ANKFN1: variants seen among roughly 807,000 people sequenced by gnomAD.
ANKFN1 encodes ankyrin repeat and fibronectin type-III domain-containing protein 1.
Under a neutral mutation model 108.7 loss-of-function variants are expected in ANKFN1, and 74 were observed. That is an observed-to-expected ratio of 0.68 (90% CI 0.56 to 0.83). ANKFN1 has a LOEUF of 0.83. ANKFN1 is among the 40% of genes least tolerant of loss of function. The pLI is 0.00. For missense variants in ANKFN1, 1,505 were observed against 1,382.3 expected, an observed-to-expected ratio of 1.09 and a Z score of -1.41; for synonymous variants, 547 against 516.2, an observed-to-expected ratio of 1.06 and a Z score of -0.81.
intron 2 of ANKFN1, among the ~76,000 whole-genome samples, chr17:56,225,810 A>G (rs1916225180): frequency 6.6e-6 from 1 of 152,236 alleles, no homozygotes; most frequent in Non-Finnish European, 1.5e-5. Flanking sequence ...GTAACATTGA[A>G]TTGAATAGAT....
chr17:56,327,743 T>C (rs2045560652), intron 4 of ANKFN1, among the ~76,000 whole-genome samples: 1 of 152,232 alleles, frequency 6.6e-6, no homozygotes, highest in Non-Finnish European at 1.5e-5. Flanking sequence ...CCTCTGTGGA[T>C]CTCTGTTCTG....
intron 3 of ANKFN1, among the ~76,000 whole-genome samples, chr17:56,296,045 T>C (rs1026051790): frequency 2.6e-5 from 4 of 152,140 alleles, no homozygotes; most frequent in Non-Finnish European, 5.9e-5. Flanking sequence ...TGGATGTATA[T>C]GTACTAAATT....
At chr17:56,217,489 C>T (rs945385349) in intron 2 of ANKFN1, among the ~76,000 whole-genome samples, 2 of 152,168 alleles carry the variant, frequency 1.3e-5, no homozygotes, top group Non-Finnish European at 2.9e-5. Context: ...TTGTGCCCCT[C>T]CAGCAACATT....
intron 8 of ANKFN1, among the ~76,000 whole-genome samples, chr17:56,417,000 C>T (rs1191294499): frequency 6.7e-6 from 1 of 150,200 alleles, no homozygotes; most frequent in African/African-American, 2.5e-5. Flanking sequence ...GTGGGAGCTA[C>T]AAATCAAAAC....
At chr17:56,307,414 G>A (rs536420487) in intron 3 of ANKFN1, among the ~76,000 whole-genome samples, 17 of 152,264 alleles carry the variant, frequency 1.1e-4, no homozygotes, top group South Asian at 2.1e-4. Flanking sequence ...AAAAGTGGGC[G>A]AAGGATGTGA....
intron 4 of ANKFN1, among the ~76,000 whole-genome samples, chr17:56,098,602 C>T (rs757718203): frequency 2.6e-5 from 4 of 152,100 alleles, no homozygotes; most frequent in Non-Finnish European, 5.9e-5. Flanking sequence ...GTTTTATTAA[C>T]TGATATATCT....
intron 1 of ANKFN1, among the ~76,000 whole-genome samples, chr17:56,199,202 T>G (rs1032727289): frequency 2.0e-4 from 30 of 152,026 alleles, no homozygotes; most frequent in African/African-American, 7.2e-4. Flanking sequence ...AGTTGCTTTA[T>G]GTTTTTTGTT....
chr17:56,495,541 A>G (rs2051173613), intron 19 of ANKFN1, among the ~76,000 whole-genome samples: 1 of 152,162 alleles, frequency 6.6e-6, no homozygotes, highest in Non-Finnish European at 1.5e-5. Flanking sequence ...CTATGTAAAT[A>G]CAGTTAGGAA....
At chr17:56,152,356 G>T (rs1328163340), upstream of ANKFN1, among the ~76,000 whole-genome samples, 1 of 150,810 alleles carries the variant, frequency 6.6e-6, no homozygotes, top group Admixed American at 6.6e-5. Flanking sequence ...CTCACTCCAT[G>T]TTAAGCCCAG....
At chr17:56,162,598 A>G (rs1909765553) in intron 1 of ANKFN1, among the ~76,000 whole-genome samples, 1 of 152,188 alleles carries the variant, frequency 6.6e-6, no homozygotes, top group African/African-American at 2.4e-5. Flanking sequence ...ATAGAATTAT[A>G]TTCTGAAGTA....
At chr17:56,475,505 C>T (rs1190522384) in intron 15 of ANKFN1, among the ~76,000 whole-genome samples, 1 of 152,154 alleles carries the variant, frequency 6.6e-6, no homozygotes, top group Non-Finnish European at 1.5e-5. Flanking sequence ...CATACTTTTC[C>T]ATTCCATATA....
intron 1 of ANKFN1, chr17:56,185,093 C>T (rs1400002507): frequency 6.6e-6 from 1 of 152,170 alleles, no homozygotes; most frequent in South Asian, 2.1e-4. Flanking sequence ...TCTCTGTCCA[C>T]GTAGTTAACT....
Position 56,232,015 on chromosome 17 carries a change from A to G in ANKFN1, c.53+4058A>G, listed in dbSNP as rs1013167103. 2.6e-5 allele frequency among the ~76,000 whole-genome samples: 4 copies of G among 152,046 alleles called. No homozygotes were observed. The East Asian group carries it at 7.8e-4, about 29-fold the overall frequency. On this transcript the variant is annotated intron_variant, in intron 3 of 20. Transcript: ENST00000682825. ...AACTTTCTTTCGCTAACCTGAGATAACCTCCCTCTGACTTTGGGTCATTTG... is the reference window on the plus strand; with the variant it reads ...AACTTTCTTTCGCTAACCTGAGATAGCCTCCCTCTGACTTTGGGTCATTTG...
At chr17:56,448,458 G>C (rs992157653) in intron 10 of ANKFN1, among the ~76,000 whole-genome samples, 6 of 152,206 alleles carry the variant, frequency 3.9e-5, no homozygotes, top group Non-Finnish European at 7.3e-5. Flanking sequence ...TGTATATTTA[G>C]AGACTGAGCA....
At position 56,124,957 on chromosome 17, in the gene ANKFN1, G is replaced by T. The variant is rs543565435; in HGVS notation, c.288+78632G>T. ...TCTAGCTTCCTGGGGCTAACATTTT[G>T]GTTGGGGTAATGAATGCAAATAACC... On this transcript the variant is annotated intron_variant, in intron 4 of 12. Transcript: ENST00000635860. 2.0e-5 allele frequency among the ~76,000 whole-genome samples: 3 copies of T among 152,272 alleles called. No individual in the cohort carries two copies. The East Asian group carries it at 5.8e-4, about 29-fold the overall frequency.
intron 11 of ANKFN1, among the ~76,000 whole-genome samples, 157 bp downstream of exon 11, chr17:56,449,343 A>C (rs1024762873): frequency 1.3e-5 from 2 of 151,782 alleles, no homozygotes; most frequent in Non-Finnish European, 2.9e-5. Context: ...TCTTGCTTTA[A>C]CCCTTCAGAA....
chr17:56,229,680 A>C (rs1318673996), intron 3 of ANKFN1, among the ~76,000 whole-genome samples: 1 of 150,110 alleles, frequency 6.7e-6, no homozygotes, highest in African/African-American at 2.4e-5. Context: ...AAAAAAAAAA[A>C]AAAAAAAAGG....
intron 7 of ANKFN1, among the ~76,000 whole-genome samples, chr17:56,374,039 G>A (rs1003293760): frequency 6.6e-6 from 1 of 152,198 alleles, no homozygotes; most frequent in Admixed American, 6.5e-5. Flanking sequence ...CTGAGAGCAA[G>A]GTGAGTTAGA....
intron 4 of ANKFN1, among the ~76,000 whole-genome samples, chr17:56,098,784 A>C (rs1905583530): frequency 6.6e-6 from 1 of 152,170 alleles, no homozygotes; most frequent in Non-Finnish European, 1.5e-5. Context: ...ATGTATGACC[A>C]GAAAAGTAGC....
Sources: gnomAD v4.1 joint callset for allele counts (sites outside exome capture counted in the v4.1 genomes callset) on GRCh38, gnomAD v4.1.1 for gene constraint, MANE v1.5 for transcripts, NCBI Gene and HGNC (gene_info 2026-07-23, HGNC 2026-07-21) for gene names.